ZNF267: variants seen among roughly 807,000 people sequenced by gnomAD.
The protein encoded by ZNF267 is zinc finger protein 267, also known as zinc finger (C2H2).
A neutral mutation model predicts 71.6 loss-of-function variants in ZNF267; 61 were observed. The ratio of observed to expected loss-of-function variants is 0.85; its 90% CI spans 0.69 to 1.05. The LOEUF (loss-of-function observed/expected upper bound fraction) is 1.05, where lower values mean the gene tolerates loss of function less well. Ranked by LOEUF, ZNF267 falls within the 50% of genes least tolerant of loss-of-function variation. ZNF267 has a pLI of 0.00. For missense variants in ZNF267, 852 were observed against 870.0 expected (o/e 0.98, Z 0.26); for synonymous variants, 288 against 293.2 (o/e 0.98, Z 0.18).
In ZNF267 at chr16:31,896,003, C is replaced by T. The variant is rs376625914; in HGVS notation, c.226+10747C>T. ...TTATATTTGCTTTTTCTTTTGTTAT[C>T]TGTGCTTTTCAAGTCTTTATTTTTA... On this transcript the variant is annotated intron_variant, in intron 3 of 3. Coordinates refer to ENST00000300870, the MANE Select transcript of ZNF267 (RefSeq NM_003414.6). Among the ~76,000 whole-genome samples the T allele has an allele frequency of 2.0e-5, 3 of 151,996 alleles. No individual in the cohort carries two copies. In the East Asian group the frequency reaches 5.8e-4, roughly 29 times the overall value.
At chr16:31,876,275 A>G (rs879717792) in intron 1 of ZNF267, among the ~76,000 whole-genome samples, 2 of 152,210 alleles carry the variant, frequency 1.3e-5, no homozygotes, top group African/African-American at 2.4e-5. Context: ...ACTGAAGTGC[A>G]GTGGTGTGAT....
intron 3 of ZNF267, among the ~76,000 whole-genome samples, chr16:31,898,188 C>G (rs2084013609): frequency 1.3e-5 from 2 of 152,194 alleles, no homozygotes; most frequent in East Asian, 3.9e-4. Flanking sequence ...TTATAGCTTT[C>G]TGGTCAGTGG....
At chr16:31,889,257 C>G (rs1411628472) in intron 3 of ZNF267, among the ~76,000 whole-genome samples, 3 of 142,638 alleles carry the variant, frequency 2.1e-5, no homozygotes, top group African/African-American at 7.8e-5. Flanking sequence ...TTTTTCTAGT[C>G]TCTCTCTCTC....
At chr16:31,898,650 A>C (rs924662945) in intron 3 of ZNF267, among the ~76,000 whole-genome samples, 6 of 151,926 alleles carry the variant, frequency 3.9e-5, no homozygotes, top group African/African-American at 1.2e-4. Context: ...AAACATCTTA[A>C]AATTATTAAC....
intron 3 of ZNF267, among the ~76,000 whole-genome samples, chr16:31,905,739 G>A (rs376818319): frequency 5.3e-5 from 8 of 152,066 alleles, no homozygotes; most frequent in Middle Eastern, 3.4e-3. Context: ...GAACTTCCTC[G>A]TTTAGCTCAG....
chr16:31,904,731 C>T (rs1365771746), intron 3 of ZNF267, among the ~76,000 whole-genome samples: 2 of 152,164 alleles, frequency 1.3e-5, no homozygotes, highest in East Asian at 1.9e-4. Context: ...GGTCTTGACT[C>T]TTTATCCAAT....
chr16:31,909,496 G>A (rs554439897), intron 3 of ZNF267, among the ~76,000 whole-genome samples: 58 of 152,062 alleles, frequency 3.8e-4, no homozygotes, highest in Admixed American at 7.2e-4. Context: ...TCACTTCTTT[G>A]GTTAAGTTAA....
In ZNF267 at chr16:31,915,672, C is replaced by T. The variant is rs146250449; in HGVS notation, c.1423C>T (p.Arg475Cys). ...KCKVCSKSYA[R>C]SSNLIMHQRV... ...TAAAGTATGTAGCAAATCTTATGCT[C>T]GTTCTTCAAATCTTATTATGCATCA... Residue 475 changes from arginine to cysteine, a missense_variant, in exon 4 of 4, where the codon CGT becomes TGT. Transcript: ENST00000300870. 2.2e-5 allele frequency: 35 copies of T among 1,613,646 alleles called. No homozygotes were observed. The highest frequency in any genetic ancestry group is 6.7e-5 in the African/African-American group (5 of 74,866).
intron 3 of ZNF267, among the ~76,000 whole-genome samples, chr16:31,894,232 A>C (rs976682010): frequency 2.0e-5 from 3 of 152,248 alleles, no homozygotes. Context: ...AGATTTGAGG[A>C]AAATCTTTCA....
chr16:31,909,389 T>TC (rs2084118830), intron 3 of ZNF267, among the ~76,000 whole-genome samples: 1 of 152,138 alleles, frequency 6.6e-6, no homozygotes, highest in African/African-American at 2.4e-5. Context: ...CACCTCGGCC[T>TC]CCTAGGGTGC....
At chr16:31,875,377 C>T (rs2083845117) in intron 1 of ZNF267, 1 of 1,207,258 alleles carries the variant, frequency 8.3e-7, no homozygotes, top group Non-Finnish European at 1.1e-6. Flanking sequence ...ACACCCTTAA[C>T]CTAAAAAGAT....
chr16:31,906,579 G>T (rs574348211), intron 3 of ZNF267, among the ~76,000 whole-genome samples: 20 of 152,316 alleles, frequency 1.3e-4, no homozygotes, highest in East Asian at 7.7e-4. Context: ...CTCCGAGCCA[G>T]GTGCGGGATA....
chr16:31,909,386 G>T (rs190380059), intron 3 of ZNF267, among the ~76,000 whole-genome samples: 76 of 151,948 alleles, frequency 5.0e-4, no homozygotes, highest in African/African-American at 1.7e-3. Flanking sequence ...GCCCACCTCG[G>T]CCTCCTAGGG....
At chr16:31,899,884 C>T (rs2084025660) in intron 3 of ZNF267, among the ~76,000 whole-genome samples, 2 of 152,014 alleles carry the variant, frequency 1.3e-5, no homozygotes, top group South Asian at 4.1e-4. Context: ...TAATATAAAA[C>T]AAAAATGAAT....
At chr16:31,880,119 G>C (rs536548520) in intron 1 of ZNF267, among the ~76,000 whole-genome samples, 3 of 152,196 alleles carry the variant, frequency 2.0e-5, no homozygotes, top group Non-Finnish European at 4.4e-5. Context: ...CCACAAGACA[G>C]GGCCAGACTT....
At position 31,915,684 on chromosome 16, in the gene ZNF267, C is replaced by T. The variant is rs1222420895; in HGVS notation, c.1435C>T (p.Leu479Phe). The T allele has an allele frequency of 2.5e-6, 4 of 1,613,654 alleles. No individual in the cohort carries two copies. The highest frequency in any genetic ancestry group is 1.3e-5 in the African/African-American group (1 of 74,914). Residue 479 changes from leucine (L) to phenylalanine (F), a missense_variant, in exon 4 of 4, where the codon CTT becomes TTT. By Grantham distance (22) the Leu-to-Phe change is conservative (BLOSUM62 0). Transcript: ENST00000300870. Reference sequence around the variant, plus strand: ...CAAATCTTATGCTCGTTCTTCAAATCTTATTATGCATCAGAGAGTTCATAC... The same window carrying T: ...CAAATCTTATGCTCGTTCTTCAAATTTTATTATGCATCAGAGAGTTCATAC... ...CSKSYARSSNLIMHQRVHTGE... is the reference protein window; with the variant it reads ...CSKSYARSSNFIMHQRVHTGE...
chr16:31,916,431 A>G lies in ZNF267; in HGVS notation c.2182A>G (p.Arg728Gly), dbSNP rs554810307. The G allele has an allele frequency of 3.1e-6, 5 of 1,614,096 alleles. No homozygotes were observed. The East Asian group carries it at 8.9e-5, about 29-fold the overall frequency. ...CEECGKAFNS[R>G]SYLIAHQRSH... ...AGAATGTGGCAAAGCCTTTAACTCTAGGTCATACCTCATTGCACATCAGAG... is the reference window on the plus strand; with the variant it reads ...AGAATGTGGCAAAGCCTTTAACTCTGGGTCATACCTCATTGCACATCAGAG... The change falls in exon 4 of 4, where the codon AGG (arginine) becomes GGG (glycine). Residue 728 changes from arginine (R) to glycine (G), a missense_variant. Arg to Gly is a moderately radical substitution (Grantham distance 125, BLOSUM62 -2). Transcript: ENST00000300870.
rs1220163450 is a variant in ZNF267, at chr16:31,915,903, G to T, written c.1654G>T (p.Glu552Ter). 1 of 1,613,832 alleles carries T rather than the reference G, an allele frequency of 6.2e-7. No homozygotes were observed. The highest frequency in any genetic ancestry group is 8.5e-7 in the Non-Finnish European group (1 of 1,179,980). The change falls in exon 4 of 4, where the codon GAA (glutamate) becomes TAA (stop). Residue 552 changes from glutamate to a stop codon, truncating the protein, a stop_gained. Transcript: ENST00000300870. LOFTEE classifies it high-confidence loss of function. ...TGGAGAGAAACCCTATAAATGTAAA[G>T]AATGTGGCAAAGCCTTTCCTTATAG... ...HTGEKPYKCK[E>*]CGKAFPYSSH...
chr16:31,908,923 T>C (rs2084112729), intron 3 of ZNF267, among the ~76,000 whole-genome samples: 1 of 151,978 alleles, frequency 6.6e-6, no homozygotes, highest in Admixed American at 6.6e-5. Flanking sequence ...TCCATATATA[T>C]TTTAGGATTG....
Sources: gnomAD v4.1 joint callset for allele counts (sites outside exome capture counted in the v4.1 genomes callset) on GRCh38, gnomAD v4.1.1 for gene constraint, MANE v1.5 for transcripts, NCBI Gene and HGNC (gene_info 2026-07-23, HGNC 2026-07-21) for gene names.